Variants in DIMT1 observed in about 807,000 individuals in gnomAD.
The protein encoded by DIMT1 is DIM1 rRNA methyltransferase and ribosome maturation factor, also known as dimethyladenosine transferase.
Under a neutral mutation model 43.2 loss-of-function variants are expected in DIMT1, and 36 were observed. That is an observed-to-expected ratio of 0.83 (90% confidence interval 0.64 to 1.10). The LOEUF (loss-of-function observed/expected upper bound fraction) is 1.10, where lower values mean the gene tolerates loss of function less well. Ranked by LOEUF, DIMT1 falls within the 50% of genes least tolerant of loss-of-function variation. The probability of loss-of-function intolerance (pLI) is 0.00; values close to 1 mark genes in which losing one functional copy is unlikely to be tolerated. For missense variants in DIMT1, 341 were observed against 385.3 expected (o/e 0.88, Z 0.96); for synonymous variants, 126 against 130.3 (o/e 0.97, Z 0.22).
At chr5:62,390,607 C>T (rs1343686378) in intron 11 of DIMT1, among the ~76,000 whole-genome samples, 1 of 152,130 alleles carries the variant, frequency 6.6e-6, no homozygotes, top group Non-Finnish European at 1.5e-5. Context: ...GGAACCTGCA[C>T]ACCACATTGG....
intron 6 of DIMT1, among the ~76,000 whole-genome samples, chr5:62,398,155 GT>G (rs984113243): frequency 1.2e-4 from 18 of 151,952 alleles, no homozygotes; most frequent in African/African-American, 4.1e-4. Flanking sequence ...ATCCATGCAA[GT>G]TTTTTTCATA....
rs536115783 is a variant in DIMT1, at chr5:62,392,147, C to A, written c.792+24G>T. On this transcript the variant is annotated intron_variant, in intron 10 of 11. Transcript: ENST00000199320. Reference sequence around the variant, plus strand: ...TTTAAAAGAAAACAAATCAATGAAACTGCAGGAACATTTTCTAACTTACAA... The same window carrying A: ...TTTAAAAGAAAACAAATCAATGAAAATGCAGGAACATTTTCTAACTTACAA... 6.2e-6 allele frequency: 10 copies of A among 1,607,760 alleles called. No homozygotes were observed. The African/African-American group carries it at 1.3e-4, about 22-fold the overall frequency.
Position 62,403,747 on chromosome 5 carries a change from AT to A in DIMT1, c.25del (p.Ile9SerfsTer14). MPKVKSGA[I>X]GRRRGRQEQR... ...CTCCTGCCGCCCGCGGCGGCGGCCG[AT>A]GGCCCCCGACTTGACCTTCGGCATC... On this transcript the variant is annotated frameshift_variant, in exon 1 of 12. Transcript: ENST00000199320. LOFTEE classifies it high-confidence loss of function. The A allele has an allele frequency of 6.2e-7, 1 of 1,610,182 alleles. No homozygotes were observed. Among genetic ancestry groups the A allele is most frequent in the Non-Finnish European group, 8.5e-7 (1 of 1,178,812 alleles).
Position 62,403,324 on chromosome 5 carries a change from A to G in DIMT1, c.102T>C (p.Ile34=), listed in dbSNP as rs767766417. ...SAGGLMFNTG[I]GQHILKNPLI... ...GAGGATTTTTCAAAATGTGCTGCCCAATCCCCGTGTTGAACATGAGTCCTG... is the reference window on the plus strand; with the variant it reads ...GAGGATTTTTCAAAATGTGCTGCCCGATCCCCGTGTTGAACATGAGTCCTG... The change falls in exon 2 of 12, where the codon ATT becomes ATC. Residue 34 remains isoleucine, a synonymous_variant. Coordinates refer to ENST00000199320, the MANE Select transcript of DIMT1 (RefSeq NM_014473.4). The G allele has an allele frequency of 2.5e-6, 4 of 1,614,036 alleles. No homozygotes were observed. The South Asian group carries it at 4.4e-5, about 18-fold the overall frequency.
At chr5:62,399,516 C>T (rs768230663) in intron 3 of DIMT1, among the ~76,000 whole-genome samples, 15 of 151,714 alleles carry the variant, frequency 9.9e-5, no homozygotes, top group Admixed American at 3.3e-4. Flanking sequence ...TAGTGGTGGG[C>T]GCCTGTAATC....
chr5:62,390,850 A>G, intron 11 of DIMT1, 26 bp downstream of exon 11: 1 of 1,584,988 alleles, frequency 6.3e-7, no homozygotes, highest in Non-Finnish European at 8.7e-7. Flanking sequence ...AAATGTAAAC[A>G]CTTAGGAAAA....
intron 10 of DIMT1, chr5:62,391,873 T>C (rs1742315768): frequency 6.6e-6 from 10 of 1,524,684 alleles, no homozygotes; most frequent in Non-Finnish European, 8.8e-6. Context: ...TACACATATC[T>C]ACAGCTTTGA....
chr5:62,396,733 C>A (rs1466904569), intron 6 of DIMT1, among the ~76,000 whole-genome samples: 1 of 152,032 alleles, frequency 6.6e-6, no homozygotes, highest in African/African-American at 2.4e-5. Context: ...TTCTTTGGTC[C>A]TAAAGAAAGT....
chr5:62,391,294 T>C, intron 10 of DIMT1: 1 of 236,936 alleles, frequency 4.2e-6, no homozygotes, highest in East Asian at 9.1e-5. Context: ...TTTAAAGCAA[T>C]TGTTACTCCT....
At chr5:62,400,160 CAAGT>C (rs945589672) in intron 3 of DIMT1, among the ~76,000 whole-genome samples, 1 of 152,124 alleles carries the variant, frequency 6.6e-6, no homozygotes, top group African/African-American at 2.4e-5. Flanking sequence ...GATAACTTCT[CAAGT>C]AAATGAAAAT....
rs550694326 is a variant in DIMT1, at chr5:62,403,795, G to A, written c.-23C>T. 22 of 1,607,230 alleles carry A rather than the reference G, an allele frequency of 1.4e-5. No homozygotes were observed. Among genetic ancestry groups the A allele is most frequent in the South Asian group, 8.8e-5 (8 of 90,608 alleles). On this transcript the variant is annotated 5_prime_UTR_variant, in exon 1 of 12. Transcript: ENST00000199320. ...CATCTCGGCAGAAAGCGGGCCCACA[G>A]GCCCGGGACGTCAAGGAGGACCAAA... is the stretch of plus-strand genomic sequence containing the variant.
At chr5:62,389,120 C>G in intron 11 of DIMT1, 68 bp from the exon 12 acceptor site, 1 of 1,303,186 alleles carries the variant, frequency 7.7e-7, no homozygotes, top group Non-Finnish European at 1.1e-6. Flanking sequence ...GTATATAGTT[C>G]TATACCATTA....
chr5:62,392,922 T>C lies in DIMT1; in HGVS notation c.728+4A>G. 6.2e-7 allele frequency: 1 copy of C among 1,601,832 alleles called. No homozygotes were observed. Among genetic ancestry groups the C allele is most frequent in the Non-Finnish European group, 8.6e-7 (1 of 1,169,286 alleles). Reference sequence around the variant, plus strand: ...TATACATTAGAAATTAGTGTAATACTTACTTAAATGCAGCAGAGAGTGTCT... The same window carrying C: ...TATACATTAGAAATTAGTGTAATACCTACTTAAATGCAGCAGAGAGTGTCT... On this transcript the variant is annotated splice_donor_region_variant and intron_variant, in intron 9 of 11. Coordinates refer to ENST00000199320, the MANE Select transcript of DIMT1 (RefSeq NM_014473.4).
rs780192439 is a variant in DIMT1, at chr5:62,403,330, C to A, written c.96G>T (p.Thr32=). 1.2e-6 allele frequency: 2 copies of A among 1,613,878 alleles called. No individual in the cohort carries two copies. Among genetic ancestry groups the A allele is most frequent in the South Asian group, 1.1e-5 (1 of 91,034 alleles). Residue 32 remains threonine (T), a synonymous_variant, in exon 2 of 12, where the codon ACG becomes ACT. Transcript: ENST00000199320. ...TTTTCAAAATGTGCTGCCCAATCCC[C>A]GTGTTGAACATGAGTCCTGTAAGAA... The part of the protein sequence containing the change: ...LKSAGGLMFN[T]GIGQHILKNP...
chr5:62,398,748 A>G lies in DIMT1; in HGVS notation c.303-9T>C. ...GTTTGCTGGCCACAGGCCTGATGAG[A>G]AAAGAAGAAATGTAAAAAGAATGTT... is the stretch of plus-strand genomic sequence containing the variant. On this transcript the variant is annotated splice_polypyrimidine_tract_variant and intron_variant, in intron 4 of 11. Coordinates refer to ENST00000199320, the MANE Select transcript of DIMT1 (RefSeq NM_014473.4). 1.2e-6 allele frequency: 2 copies of G among 1,614,164 alleles called. 1 individual carries two copies. Among genetic ancestry groups the G allele is most frequent in the South Asian group, 2.2e-5 (2 of 91,052 alleles).
rs1227221057 is a variant in DIMT1, at chr5:62,403,836, A to G, written c.-64T>C. On this transcript the variant is annotated 5_prime_UTR_variant, in exon 1 of 12. Coordinates refer to ENST00000199320, the MANE Select transcript of DIMT1 (RefSeq NM_014473.4). ...GAGGACCAAAGAGGGCTAGCGTGAG[A>G]AAGCCACCACGTGGGGATCGCCGCC... The G allele has an allele frequency of 6.5e-7, 1 of 1,543,212 alleles. No homozygotes were observed. Among genetic ancestry groups the G allele is most frequent in the Non-Finnish European group, 8.8e-7 (1 of 1,134,860 alleles).
chr5:62,390,845 T>G (rs1427293785), intron 11 of DIMT1, 31 bp downstream of exon 11: 1 of 1,574,618 alleles, frequency 6.4e-7, no homozygotes, highest in Non-Finnish European at 8.7e-7. Flanking sequence ...TAAAGAAATG[T>G]AAACACTTAG....
chr5:62,394,553 A>G lies in DIMT1; in HGVS notation c.501T>C (p.Pro167=), dbSNP rs1325088813. 1.2e-6 allele frequency: 2 copies of G among 1,614,234 alleles called. No individual in the cohort carries two copies. Among genetic ancestry groups the G allele is most frequent in the Admixed American group, 1.7e-5 (1 of 60,032 alleles). The change falls in exon 7 of 12, where the codon CCT becomes CCC. Residue 167 remains proline, a synonymous_variant. Coordinates refer to ENST00000199320, the MANE Select transcript of DIMT1 (RefSeq NM_014473.4). ...AGAGTCTGCAGTATAACTTATCTCC[A>G]GGTTTTGCAACCAGTCGGAGGGCAA... The part of the protein sequence containing the change: ...REFALRLVAK[P]GDKLYCRLSI...
chr5:62,388,666 G>C lies in DIMT1; in HGVS notation c.*344C>G. 4.9e-6 allele frequency: 1 copy of C among 205,152 alleles called. No individual in the cohort carries two copies. Among genetic ancestry groups the C allele is most frequent in the Non-Finnish European group, 9.7e-6 (1 of 103,148 alleles). 12.7% of individuals were successfully genotyped at this position (205,152 alleles called of 1,614,324 possible). ...TTATTACTGGAGGAACAGAGCTAAA[G>C]GCCTAAAGAAGGCCTTACAGTATAT... On this transcript the variant is annotated 3_prime_UTR_variant, in exon 12 of 12. Transcript: ENST00000199320.
Sources: gnomAD v4.1 joint callset for allele counts (sites outside exome capture counted in the v4.1 genomes callset) on GRCh38, gnomAD v4.1.1 for gene constraint, MANE v1.5 for transcripts, NCBI Gene and HGNC (gene_info 2026-07-23, HGNC 2026-07-21) for gene names.